Variants in TRHDE observed in about 807,000 individuals in gnomAD.
TRHDE encodes thyrotropin releasing hormone degrading enzyme.
In TRHDE, 72 loss-of-function variants were observed where a neutral mutation model predicts 125.7. The ratio of observed to expected loss-of-function variants is 0.57; its 90% CI spans 0.47 to 0.70. The LOEUF (loss-of-function observed/expected upper bound fraction) is 0.70, where lower values mean the gene tolerates loss of function less well. Ranked by LOEUF, TRHDE falls within the 30% of genes least tolerant of loss-of-function variation. The probability of loss-of-function intolerance (pLI) is 0.00; values close to 1 mark genes in which losing one functional copy is unlikely to be tolerated. For synonymous variants in TRHDE, 509 were observed against 509.1 expected (o/e 1.00, Z 0.00); for missense variants, 1,110 against 1,327.1 (o/e 0.84, Z 2.54).
intron 2 of TRHDE, among the ~76,000 whole-genome samples, chr12:72,359,476 T>C (rs1195262333): frequency 6.6e-6 from 1 of 151,678 alleles, no homozygotes; most frequent in Non-Finnish European, 1.5e-5. Flanking sequence ...TGTTTCAAAG[T>C]CACTTTAGAA....
At chr12:72,388,164 TAAAACATTTTTCATTCAA>T (rs1219482596) in intron 3 of TRHDE, among the ~76,000 whole-genome samples, 1 of 152,114 alleles carries the variant, frequency 6.6e-6, no homozygotes, top group African/African-American at 2.4e-5. Flanking sequence ...TCCCTCAGCC[TAAAACATTTTTCATTCAA>T]ATAGATGCAT....
chr12:72,636,847 A>G (rs1162733965), intron 15 of TRHDE, among the ~76,000 whole-genome samples: 1 of 152,008 alleles, frequency 6.6e-6, no homozygotes, highest in Non-Finnish European at 1.5e-5. Flanking sequence ...CATCCCAGGG[A>G]TGAAGCCCAC....
intron 6 of TRHDE, among the ~76,000 whole-genome samples, chr12:72,534,589 T>G (rs1349682627): frequency 6.6e-6 from 1 of 151,892 alleles, no homozygotes; most frequent in African/African-American, 2.4e-5. Context: ...AAGATGATAT[T>G]GATGATGATG....
chr12:72,487,749 A>T (rs963623522), intron 5 of TRHDE, among the ~76,000 whole-genome samples: 2 of 152,172 alleles, frequency 1.3e-5, no homozygotes, highest in African/African-American at 4.8e-5. Flanking sequence ...ATACTTCAAC[A>T]TAGTGACGGT....
At chr12:72,144,219 C>G (rs1876177700) in intron 2 of TRHDE, among the ~76,000 whole-genome samples, 1 of 152,126 alleles carries the variant, frequency 6.6e-6, no homozygotes, top group African/African-American at 2.4e-5. Context: ...TTTTAGGGGC[C>G]ACGGTAGGAC....
intron 3 of TRHDE, among the ~76,000 whole-genome samples, chr12:72,384,462 T>C (rs1436925010): frequency 6.6e-6 from 1 of 152,122 alleles, no homozygotes; most frequent in African/African-American, 2.4e-5. Flanking sequence ...TTTTGTAGAG[T>C]AAATATTTAG....
At chr12:72,343,771 A>C (rs994261427) in intron 2 of TRHDE, among the ~76,000 whole-genome samples, 2 of 152,128 alleles carry the variant, frequency 1.3e-5, no homozygotes, top group Non-Finnish European at 2.9e-5. Flanking sequence ...ATATAAAGGA[A>C]GGGTTGAACT....
chr12:72,471,444 T>C (rs1876646190), intron 4 of TRHDE, among the ~76,000 whole-genome samples: 1 of 152,208 alleles, frequency 6.6e-6, no homozygotes, highest in African/African-American at 2.4e-5. Flanking sequence ...GCACCGATAA[T>C]GTGTAATTGT....
At chr12:72,469,421 A>G (rs1876537363) in intron 3 of TRHDE, among the ~76,000 whole-genome samples, 1 of 152,256 alleles carries the variant, frequency 6.6e-6, no homozygotes. Flanking sequence ...ATTAGAAGGC[A>G]CAACGCCTTT....
chr12:72,600,273 T>C (rs1872156987), intron 12 of TRHDE, among the ~76,000 whole-genome samples: 1 of 152,122 alleles, frequency 6.6e-6, no homozygotes, highest in South Asian at 2.1e-4. Context: ...AGAATAGTTT[T>C]TTTTCTAATT....
intron 2 of TRHDE, among the ~76,000 whole-genome samples, chr12:72,109,237 A>T (rs1278668470): frequency 6.6e-6 from 1 of 152,064 alleles, no homozygotes; most frequent in Non-Finnish European, 1.5e-5. Context: ...CCCACCTTAA[A>T]GATAGGAATA....
chr12:72,436,061 C>T (rs1874732301), intron 3 of TRHDE, among the ~76,000 whole-genome samples: 1 of 152,022 alleles, frequency 6.6e-6, no homozygotes, highest in African/African-American at 2.4e-5. Context: ...GGTCATGTAT[C>T]TGTCCTTAGG....
At chr12:72,572,168 C>G (rs12296996) in intron 10 of TRHDE, among the ~76,000 whole-genome samples, 40,289 of 151,722 alleles carry the variant, frequency 0.27, 8,049 homozygotes, top group African/African-American at 0.54. Flanking sequence ...TATTATTTTC[C>G]CTGAGTTTGT....
chr12:72,293,201 T>G (rs965206476), intron 2 of TRHDE, among the ~76,000 whole-genome samples: 3 of 152,106 alleles, frequency 2.0e-5, no homozygotes, highest in African/African-American at 7.2e-5. Flanking sequence ...AATATTTGTT[T>G]TTTTTTTTGC....
chr12:72,185,217 C>A (rs1328261071), intron 2 of TRHDE, among the ~76,000 whole-genome samples: 2 of 152,168 alleles, frequency 1.3e-5, no homozygotes, highest in East Asian at 3.9e-4. Context: ...TGTACTGGGT[C>A]CCCCAGCAGT....
chr12:72,161,001 A>C (rs1876624618), intron 2 of TRHDE, among the ~76,000 whole-genome samples: 1 of 152,158 alleles, frequency 6.6e-6, no homozygotes, highest in African/African-American at 2.4e-5. Flanking sequence ...GTTTTAGTAA[A>C]TACAAAATTA....
chr12:72,190,085 T>A (rs1358023926), intron 2 of TRHDE, among the ~76,000 whole-genome samples: 1 of 152,218 alleles, frequency 6.6e-6, no homozygotes, highest in East Asian at 1.9e-4. Context: ...TAGTCTCCAA[T>A]AATGACCAGA....
At chr12:72,515,565 G>A (rs764030779) in intron 6 of TRHDE, among the ~76,000 whole-genome samples, 5 of 151,982 alleles carry the variant, frequency 3.3e-5, no homozygotes, top group Middle Eastern at 3.2e-3. Context: ...AGTAGGTTGC[G>A]AAAATTTTCT....
At chr12:72,170,070 G>A (rs1423717906) in intron 2 of TRHDE, among the ~76,000 whole-genome samples, 3 of 152,210 alleles carry the variant, frequency 2.0e-5, no homozygotes, top group Non-Finnish European at 2.9e-5. Context: ...GCAGGAGCTA[G>A]TCGACCAGAA....
Sources: gnomAD v4.1 joint callset for allele counts (sites outside exome capture counted in the v4.1 genomes callset) on GRCh38, gnomAD v4.1.1 for gene constraint, MANE v1.5 for transcripts, NCBI Gene and HGNC (gene_info 2026-07-23, HGNC 2026-07-21) for gene names.